The following MGAT4C variants were observed in gnomAD, a reference collection of about 807,000 sequenced individuals.
MGAT4C encodes the protein MGAT4 family member C.
A neutral mutation model predicts 40.1 loss-of-function variants in MGAT4C; 19 were observed. That is an observed-to-expected ratio of 0.47 (90% CI 0.33 to 0.70). The LOEUF is 0.70. MGAT4C is among the 30% of genes least tolerant of loss of function. MGAT4C has a pLI of 0.02. For missense variants in MGAT4C, 491 were observed against 563.2 expected (o/e 0.87, Z 1.30); for synonymous variants, 181 against 187.1 (o/e 0.97, Z 0.27).
In MGAT4C at chr12:86,308,514, GA is replaced by G. The variant is rs570426093; in HGVS notation, c.-57+25550del. ...TAAAAGGATGTTTTCTTCTGCAAAG[GA>G]AAAAAAAATAGGGATTTAGGCATTT... On this transcript the variant is annotated intron_variant, in intron 4 of 7. Transcript: ENST00000548651. Among the ~76,000 whole-genome samples the G allele has an allele frequency of 7.4e-5, 11 of 148,166 alleles. 1 individual carries two copies. The highest frequency in any genetic ancestry group is 2.0e-4 in the East Asian group (1 of 5,096).
In MGAT4C at chr12:86,722,414, G is replaced by A. The variant is rs371613286; in HGVS notation, c.-229+4795C>T. ...TGAAGATTTATAATTCTATTGTGGG[G>A]CCTTTTCTTGGTAATGAACTAACTT... On this transcript the variant is annotated intron_variant, in intron 2 of 7. Transcript: ENST00000548651. 2.0e-5 allele frequency among the ~76,000 whole-genome samples: 3 copies of A among 152,126 alleles called. No individual in the cohort carries two copies. In the East Asian group the frequency reaches 5.8e-4, roughly 29 times the overall value.
chr12:86,585,033 G>A (rs1960954341), intron 2 of MGAT4C, among the ~76,000 whole-genome samples: 1 of 151,176 alleles, frequency 6.6e-6, no homozygotes, highest in Non-Finnish European at 1.5e-5. Flanking sequence ...TTAGAGTATG[G>A]TTCAACCATT....
chr12:86,020,446 T>C (rs545585158), intron 2 of MGAT4C, among the ~76,000 whole-genome samples: 2 of 152,276 alleles, frequency 1.3e-5, no homozygotes, highest in East Asian at 3.9e-4. Flanking sequence ...TCTGCAACTA[T>C]CTGATCTTTG....
intron 1 of MGAT4C, among the ~76,000 whole-genome samples, chr12:86,201,958 T>C (rs1263891298): frequency 6.6e-6 from 1 of 152,100 alleles, no homozygotes; most frequent in Non-Finnish European, 1.5e-5. Context: ...TGTTTGTTGC[T>C]GTTACATACA....
intron 1 of MGAT4C, among the ~76,000 whole-genome samples, chr12:86,098,946 T>G (rs536681430): frequency 6.6e-6 from 1 of 151,642 alleles, no homozygotes; most frequent in East Asian, 1.9e-4. Flanking sequence ...TTCCATTCAA[T>G]TACAGATAAC....
chr12:86,170,652 G>T (rs1414613952), intron 1 of MGAT4C, among the ~76,000 whole-genome samples: 1 of 152,042 alleles, frequency 6.6e-6, no homozygotes, highest in South Asian at 2.1e-4. Context: ...TTATTCCTAT[G>T]TTTAATAATG....
At chr12:86,584,881 G>C (rs1379279449) in intron 2 of MGAT4C, among the ~76,000 whole-genome samples, 1 of 134,800 alleles carries the variant, frequency 7.4e-6, no homozygotes, top group Non-Finnish European at 1.6e-5. Flanking sequence ...ATAGTCATTT[G>C]CATTTTCTCT....
At chr12:86,356,705 C>T (rs1402220981) in intron 3 of MGAT4C, among the ~76,000 whole-genome samples, 1 of 152,126 alleles carries the variant, frequency 6.6e-6, no homozygotes, top group Admixed American at 6.6e-5. Flanking sequence ...GTCTTACACC[C>T]ATGGAGACTC....
At chr12:86,188,096 T>C (rs1197401502) in intron 1 of MGAT4C, among the ~76,000 whole-genome samples, 2 of 152,020 alleles carry the variant, frequency 1.3e-5, no homozygotes, top group Non-Finnish European at 2.9e-5. Flanking sequence ...TTCTCTTTTC[T>C]GCTATGATTT....
chr12:86,443,798 G>A (rs1213927453), intron 2 of MGAT4C, among the ~76,000 whole-genome samples: 2 of 152,036 alleles, frequency 1.3e-5, no homozygotes, highest in Non-Finnish European at 1.5e-5. Context: ...GTTTCGCCTT[G>A]TTAGCCAGGA....
chr12:86,784,419 T>C (rs1951897399), intron 1 of MGAT4C, among the ~76,000 whole-genome samples: 1 of 151,936 alleles, frequency 6.6e-6, no homozygotes, highest in Non-Finnish European at 1.5e-5. Context: ...AATACAAAAT[T>C]GGCAAGCAAA....
chr12:86,143,688 A>T (rs1883157242), intron 1 of MGAT4C, among the ~76,000 whole-genome samples: 1 of 152,214 alleles, frequency 6.6e-6, no homozygotes, highest in African/African-American at 2.4e-5. Context: ...CCGAAAAACC[A>T]ATGCAGGATA....
chr12:86,038,439 A>G (rs987929546), intron 2 of MGAT4C, among the ~76,000 whole-genome samples: 2 of 149,948 alleles, frequency 1.3e-5, no homozygotes, highest in Admixed American at 6.7e-5. Flanking sequence ...TATTGGGTGC[A>G]TATATATTTA....
intron 1 of MGAT4C, among the ~76,000 whole-genome samples, chr12:86,184,412 G>T (rs2135878314): frequency 6.6e-6 from 1 of 150,580 alleles, no homozygotes; most frequent in African/African-American, 2.4e-5. Context: ...TTTACTATGT[G>T]CCAGGACATT....
At chr12:86,332,153 A>C (rs954880547) in intron 4 of MGAT4C, among the ~76,000 whole-genome samples, 10 of 152,112 alleles carry the variant, frequency 6.6e-5, no homozygotes, top group African/African-American at 2.2e-4. Context: ...TTAAATTATA[A>C]AAATAGAAAA....
chr12:86,050,259 C>A (rs1322822458), intron 1 of MGAT4C, among the ~76,000 whole-genome samples: 1 of 151,922 alleles, frequency 6.6e-6, no homozygotes, highest in African/African-American at 2.4e-5. Flanking sequence ...AGTATAAATT[C>A]ATTGCCTGGA....
At chr12:86,304,143 ATAAT>A (rs1953879081) in intron 4 of MGAT4C, among the ~76,000 whole-genome samples, 1 of 150,724 alleles carries the variant, frequency 6.6e-6, no homozygotes. Context: ...TTCTAGAACT[ATAAT>A]TAATAATCAA....
At chr12:86,122,593 G>A (rs1460901620) in intron 1 of MGAT4C, among the ~76,000 whole-genome samples, 1 of 152,092 alleles carries the variant, frequency 6.6e-6, no homozygotes, top group African/African-American at 2.4e-5. Flanking sequence ...TACAAACGAT[G>A]AAAGTAAACA....
chr12:86,699,537 G>A (rs900666695), intron 2 of MGAT4C, among the ~76,000 whole-genome samples: 5 of 151,950 alleles, frequency 3.3e-5, no homozygotes, highest in Non-Finnish European at 7.4e-5. Flanking sequence ...GTGTGCACGC[G>A]CATGAGATTG....
Sources: allele counts gnomAD v4.1 joint callset (sites outside exome capture counted in the v4.1 genomes callset), GRCh38; gene constraint gnomAD v4.1.1; transcripts MANE v1.5; gene names NCBI Gene and HGNC (gene_info 2026-07-23, HGNC 2026-07-21).